The following ZKSCAN3 variants were observed in gnomAD, a reference collection of about 807,000 sequenced individuals.
ZKSCAN3 encodes zinc finger protein with KRAB and SCAN domains 3.
Under a neutral mutation model 30.7 loss-of-function variants are expected in ZKSCAN3, and 21 were observed. The observed-to-expected ratio is 0.68, with a 90% CI of 0.49 to 0.99. The LOEUF (loss-of-function observed/expected upper bound fraction) is 0.99, where lower values mean the gene tolerates loss of function less well. ZKSCAN3 is among the 50% of genes least tolerant of loss of function. The pLI, the probability that ZKSCAN3 is intolerant of heterozygous loss-of-function variation, is 0.00. For missense variants in ZKSCAN3, 507 were observed against 647.1 expected (o/e 0.78, Z 2.35); for synonymous variants, 201 against 246.7 (o/e 0.81, Z 1.73).
At chr6:28,362,289 T>C (rs183593048) in intron 3 of ZKSCAN3, among the ~76,000 whole-genome samples, 2 of 152,342 alleles carry the variant, frequency 1.3e-5, no homozygotes, top group African/African-American at 4.8e-5. Context: ...GGAAGTCTTA[T>C]GCAGAAAGTA....
chr6:28,357,365 A>G (rs566056884), intron 1 of ZKSCAN3, among the ~76,000 whole-genome samples: 1 of 152,342 alleles, frequency 6.6e-6, no homozygotes, highest in South Asian at 2.1e-4. Flanking sequence ...GCACAGAGCT[A>G]GTAGGTAGTA....
chr6:28,358,478 C>T (rs953005633), intron 1 of ZKSCAN3, among the ~76,000 whole-genome samples: 23 of 150,676 alleles, frequency 1.5e-4, no homozygotes, highest in African/African-American at 5.4e-4. Context: ...TTTTTTTTTC[C>T]CAGATATTTT....
Position 28,367,052 on chromosome 6 carries a change from G to C in ZKSCAN3, c.*767G>C, listed in dbSNP as rs1435025874. On this transcript the variant is annotated 3_prime_UTR_variant, in exon 6 of 6. Transcript: ENST00000252211. ...CTGCCTCAGCCTCCTGAGTAGCTGG[G>C]ATTACAGGTGTGTGCCACCATGCCC... 1 of 152,230 alleles carries C rather than the reference G, an allele frequency of 6.6e-6. No individual in the cohort carries two copies. The highest frequency in any genetic ancestry group is 2.4e-5 in the African/African-American group (1 of 41,406). The allele number at this position is 152,230 out of a possible 1,614,324, so 9.4% of individuals were successfully genotyped here. A position where few individuals can be genotyped will look rare whatever the true frequency, so the allele number is the denominator to read the frequency against.
rs1223957194 is a variant in ZKSCAN3 at position 28,365,446 on chromosome 6, A to G, written c.778A>G (p.Ser260Gly). 3.1e-6 allele frequency: 5 copies of G among 1,611,628 alleles called. No individual in the cohort carries two copies. Among genetic ancestry groups the G allele is most frequent in the Non-Finnish European group, 4.2e-6 (5 of 1,178,922 alleles). Reference sequence around the variant, plus strand: ...TTCAGGTGATGAAAAACAGACTAAGAGCAGGGACTTGCCTCCAGCTGAGGA... The same window carrying G: ...TTCAGGTGATGAAAAACAGACTAAGGGCAGGGACTTGCCTCCAGCTGAGGA... ...VSLGDEKQTK[S>G]RDLPPAEELP... Residue 260 changes from serine to glycine, a missense_variant, in exon 6 of 6, where the codon AGC becomes GGC. Ser to Gly is a moderately conservative substitution (Grantham distance 56). Coordinates refer to ENST00000252211, the MANE Select transcript of ZKSCAN3 (RefSeq NM_024493.4).
In ZKSCAN3 at chr6:28,359,847, G is replaced by A. The variant is rs1470738070; in HGVS notation, c.261G>A (p.Glu87=). The change falls in exon 2 of 6, where the codon GAG becomes GAA. Residue 87 remains glutamate (E), a synonymous_variant. Transcript: ENST00000252211. ...TGCACAGCAAGGAGCAGATCCTGGA[G>A]CTGCTGGTGCTGGAGCAGTTCCTGA... The part of the protein sequence containing the change: ...PEMHSKEQIL[E]LLVLEQFLTI... The A allele has an allele frequency of 6.2e-7, 1 of 1,608,978 alleles. No individual in the cohort carries two copies. Among genetic ancestry groups the A allele is most frequent in the Non-Finnish European group, 8.5e-7 (1 of 1,176,172 alleles).
rs762012780 is a variant in ZKSCAN3 at position 28,365,846 on chromosome 6, C to T, written c.1178C>T (p.Thr393Ile). 7.4e-6 allele frequency: 12 copies of T among 1,613,928 alleles called. No homozygotes were observed. The highest frequency in any genetic ancestry group is 4.0e-5 in the African/African-American group (3 of 74,940). ...CTTATCAAGCATCAGAGAACCCACACTGGGGAGAAGCCCTATGAGTGTGAT... is the reference window on the plus strand; with the variant it reads ...CTTATCAAGCATCAGAGAACCCACATTGGGGAGAAGCCCTATGAGTGTGAT... ...SDLIKHQRTH[T>I]GEKPYECDDC... The change falls in exon 6 of 6, where the codon ACT becomes ATT. Residue 393 changes from threonine (T) to isoleucine (I), a missense_variant. Physicochemically the swap from Thr to Ile is moderately conservative, Grantham distance 89 (BLOSUM62 -1). Coordinates refer to ENST00000252211, the MANE Select transcript of ZKSCAN3 (RefSeq NM_024493.4).
At chr6:28,358,056 C>T (rs1021192000) in intron 1 of ZKSCAN3, among the ~76,000 whole-genome samples, 1 of 152,170 alleles carries the variant, frequency 6.6e-6, no homozygotes, top group Non-Finnish European at 1.5e-5. Context: ...CAGATAAGAC[C>T]TGGTACAGCC....
At chr6:28,364,722 C>T (rs1373550059) in intron 5 of ZKSCAN3, among the ~76,000 whole-genome samples, 8 of 151,944 alleles carry the variant, frequency 5.3e-5, no homozygotes, top group Non-Finnish European at 1.0e-4. Flanking sequence ...TTCGCTGTTT[C>T]GTTTATTTAT....
At chr6:28,356,458 C>A (rs1765433886) in intron 1 of ZKSCAN3, among the ~76,000 whole-genome samples, 1 of 151,430 alleles carries the variant, frequency 6.6e-6, no homozygotes, top group Non-Finnish European at 1.5e-5. Flanking sequence ...GAGTCTCCCC[C>A]AAATGCTGCT....
At chr6:28,355,736 A>G (rs1287169195) in intron 1 of ZKSCAN3, 1 of 152,258 alleles carries the variant, frequency 6.6e-6, no homozygotes, top group Non-Finnish European at 1.5e-5. Flanking sequence ...TGTTGGGGCT[A>G]TGCATATATC....
Position 28,349,960 on chromosome 6 carries a change from A to G in ZKSCAN3, c.-170A>G, listed in dbSNP as rs1193707955. On this transcript the variant is annotated 5_prime_UTR_variant, in exon 1 of 6. Coordinates refer to ENST00000252211, the MANE Select transcript of ZKSCAN3 (RefSeq NM_024493.4). The surrounding 1 kb of genome is among the most constrained non-coding windows in gnomAD (Gnocchi z 4.1). ...TGCGGGTGGTTTGCTAGTTTCAAGC[A>G]CTTTGTGAGTATGGGGTGAATCGGC... 1 of 152,188 alleles carries G rather than the reference A, an allele frequency of 6.6e-6. No homozygotes were observed. The allele number at this position is 152,188 out of a possible 1,614,324, so 9.4% of individuals were successfully genotyped here. A position where few individuals can be genotyped will look rare whatever the true frequency, so the allele number is the denominator to read the frequency against.
Position 28,365,898 on chromosome 6 carries a change from C to A in ZKSCAN3, c.1230C>A (p.Ser410Arg). 1 of 1,613,206 alleles carries A rather than the reference C, an allele frequency of 6.2e-7. No homozygotes were observed. Among genetic ancestry groups the A allele is most frequent in the Non-Finnish European group, 8.5e-7 (1 of 1,179,496 alleles). ...CDDCGKTFSQ[S>R]CSLLEHHRIH... ...ACTGTGGGAAGACCTTCAGCCAGAG[C>A]TGCAGCCTCCTTGAACATCACAGAA... Residue 410 changes from serine (S) to arginine (R), a missense_variant, in exon 6 of 6, where the codon AGC (serine) becomes AGA (arginine). Coordinates refer to ENST00000252211, the MANE Select transcript of ZKSCAN3 (RefSeq NM_024493.4).
At chr6:28,353,914 T>C (rs1308126048) in intron 1 of ZKSCAN3, 1 of 455,548 alleles carries the variant, frequency 2.2e-6, no homozygotes, top group East Asian at 6.9e-5. Context: ...CGAGGGGAGT[T>C]GTTGGATGGG....
Position 28,351,122 on chromosome 6 carries a change from ACTTTC to A in ZKSCAN3, c.-63+1064_-63+1068del. 6.6e-6 allele frequency among the ~76,000 whole-genome samples: 1 copy of A among 152,226 alleles called. No individual in the cohort carries two copies. Among genetic ancestry groups the A allele is most frequent in the South Asian group, 2.1e-4 (1 of 4,824 alleles). On this transcript the variant is annotated intron_variant, in intron 1 of 5. Transcript: ENST00000252211. The surrounding 1 kb of genome is among the most constrained non-coding windows in gnomAD (Gnocchi z 4.6). ...TGTAACTCTTTTCTGTTAATGAGAA[ACTTTC>A]CTTTCCTTATCTTCAGTATATTTAC...
intron 2 of ZKSCAN3, 48 bp from the exon 3 acceptor site, chr6:28,361,276 A>G (rs1187838033): frequency 1.9e-6 from 3 of 1,599,580 alleles, no homozygotes; most frequent in Non-Finnish European, 2.6e-6. Context: ...AGGTAGTTCT[A>G]TGGAAGTGTT....
chr6:28,365,931 T>C lies in ZKSCAN3; in HGVS notation c.1263T>C (p.Thr421=). ...CSLLEHHRIH[T]GEKPYQCSMC... The stretch of plus-strand genomic sequence containing the variant: ...TCCTTGAACATCACAGAATCCACAC[T>C]GGGGAGAAGCCGTATCAGTGCAGTA... Residue 421 remains threonine (T), a synonymous_variant, in exon 6 of 6, where the codon ACT becomes ACC. Coordinates refer to ENST00000252211, the MANE Select transcript of ZKSCAN3 (RefSeq NM_024493.4). 1 of 1,613,728 alleles carries C rather than the reference T, an allele frequency of 6.2e-7. No individual in the cohort carries two copies. The highest frequency in any genetic ancestry group is 1.1e-5 in the South Asian group (1 of 91,006).
At position 28,366,046 on chromosome 6, in the gene ZKSCAN3, G is replaced by C. The variant is rs1226100378; in HGVS notation, c.1378G>C (p.Gly460Arg). 15 of 1,610,476 alleles carry C rather than the reference G, an allele frequency of 9.3e-6. No individual in the cohort carries two copies. The African/African-American group carries it at 1.5e-4, about 16-fold the overall frequency. Residue 460 changes from glycine (G) to arginine (R), a missense_variant, in exon 6 of 6, where the codon GGA (glycine) becomes CGA (arginine). Physicochemically the swap from Gly to Arg is moderately radical, Grantham distance 125 (BLOSUM62 -2). Coordinates refer to ENST00000252211, the MANE Select transcript of ZKSCAN3 (RefSeq NM_024493.4). ...TAAAAATGTTCAGGAACCTGAGCAGGGAGAGGCCTGGAAAAGTAGGATGGA... is the reference window on the plus strand; with the variant it reads ...TAAAAATGTTCAGGAACCTGAGCAGCGAGAGGCCTGGAAAAGTAGGATGGA... Reference protein sequence around the residue: ...GDKNVQEPEQGEAWKSRMESQ... With the variant: ...GDKNVQEPEQREAWKSRMESQ...
chr6:28,363,725 C>T lies in ZKSCAN3; in HGVS notation c.667C>T (p.Leu223Phe), dbSNP rs1765853395. ...LLKVEDVALT[L>F]TPEWTQQDSS... The stretch of plus-strand genomic sequence containing the variant: ...GAAAGTGGAAGATGTGGCCCTGACC[C>T]TCACCCCTGAATGGACACAGCAGGA... The change falls in exon 5 of 6, where the codon CTC becomes TTC. Residue 223 changes from leucine to phenylalanine, a missense_variant. Physicochemically the swap from Leu to Phe is conservative, Grantham distance 22. Coordinates refer to ENST00000252211, the MANE Select transcript of ZKSCAN3 (RefSeq NM_024493.4). 1.1e-5 allele frequency: 18 copies of T among 1,614,010 alleles called. No individual in the cohort carries two copies. Among genetic ancestry groups the T allele is most frequent in the Non-Finnish European group, 1.4e-5 (17 of 1,179,948 alleles).
At chr6:28,361,283 T>C (rs1460533367) in intron 2 of ZKSCAN3, 41 bp from the exon 3 acceptor site, 1 of 1,603,684 alleles carries the variant, frequency 6.2e-7, no homozygotes, top group Admixed American at 1.7e-5. Context: ...TCTATGGAAG[T>C]GTTTGATGAA....
Sources: allele counts gnomAD v4.1 joint callset (sites outside exome capture counted in the v4.1 genomes callset), GRCh38; gene constraint gnomAD v4.1.1; non-coding constraint Gnocchi (gnomAD v3.1); transcripts MANE v1.5; gene names NCBI Gene and HGNC (gene_info 2026-07-23, HGNC 2026-07-21).